The following FHIT variants were observed in gnomAD, a reference collection of about 807,000 sequenced individuals.
The protein encoded by FHIT is bis(5'-adenosyl)-triphosphatase.
In FHIT, 19 loss-of-function variants were observed where a neutral mutation model predicts 17.9. The observed-to-expected ratio is 1.06, with a 90% CI of 0.74 to 1.56. The LOEUF (loss-of-function observed/expected upper bound fraction) is 1.56. Among genes scored for constraint, FHIT ranks in the 40% most tolerant of loss-of-function variants. FHIT has a pLI of 0.00. For missense variants in FHIT, 248 were observed against 189.2 expected (o/e 1.31, Z -1.82); for synonymous variants, 81 against 69.7 (o/e 1.16, Z -0.81).
At chr3:61,146,590 T>C (rs549113912) in intron 2 of FHIT, among the ~76,000 whole-genome samples, 10 of 152,200 alleles carry the variant, frequency 6.6e-5, no homozygotes, top group African/African-American at 2.4e-4. Flanking sequence ...AACTACAGAA[T>C]CTGCTTGGTC....
chr3:59,750,333 C>T (rs1700824900), intron 9 of FHIT: 1 of 225,270 alleles, frequency 4.4e-6, no homozygotes, highest in South Asian at 1.8e-4. Context: ...ATAGAAAACC[C>T]AGGAGAAAAA....
At chr3:60,479,850 T>A (rs781050681) in intron 5 of FHIT, among the ~76,000 whole-genome samples, 1 of 152,120 alleles carries the variant, frequency 6.6e-6, no homozygotes, top group Non-Finnish European at 1.5e-5. Context: ...AAACTGTCCA[T>A]CCCCCATGAC....
chr3:61,077,792 T>C (rs190875457), intron 2 of FHIT, among the ~76,000 whole-genome samples: 3 of 152,268 alleles, frequency 2.0e-5, no homozygotes, highest in East Asian at 1.9e-4. Context: ...CTGGCTTCCA[T>C]GTGAGCAGGC....
Position 61,055,824 on chromosome 3 carries a change from AT to A in FHIT, c.-163-13726del, listed in dbSNP as rs980818442. 1.4e-4 allele frequency among the ~76,000 whole-genome samples: 22 copies of A among 151,990 alleles called. No homozygotes were observed. The East Asian group carries it at 2.9e-3, about 20-fold the overall frequency. ...AGAGAATGTAGGCTTAAGTGGGGGT[AT>A]TTTTTTTAAGTTTTATTTTTAATTT... On this transcript the variant is annotated intron_variant, in intron 2 of 9. Coordinates refer to ENST00000492590, the MANE Select transcript of FHIT (RefSeq NM_002012.4).
intron 7 of FHIT, among the ~76,000 whole-genome samples, chr3:59,965,967 G>C (rs1009419487): frequency 3.3e-5 from 5 of 152,098 alleles, no homozygotes; most frequent in Non-Finnish European, 7.4e-5. Context: ...CCGTCTTAAA[G>C]GCCTTTCTAG....
intron 7 of FHIT, among the ~76,000 whole-genome samples, chr3:59,966,807 C>T (rs1486179000): frequency 6.6e-6 from 1 of 152,064 alleles, no homozygotes; most frequent in African/African-American, 2.4e-5. Flanking sequence ...CTGTACATTT[C>T]TATAGACTTT....
intron 4 of FHIT, among the ~76,000 whole-genome samples, chr3:60,707,401 G>A (rs2041401495): frequency 6.6e-6 from 1 of 152,184 alleles, no homozygotes; most frequent in African/African-American, 2.4e-5. Flanking sequence ...CACATGGATA[G>A]AGATGAACTT....
At chr3:60,895,999 G>A (rs1185814405) in intron 3 of FHIT, among the ~76,000 whole-genome samples, 1 of 151,880 alleles carries the variant, frequency 6.6e-6, no homozygotes, top group Non-Finnish European at 1.5e-5. Flanking sequence ...CACACTAGGA[G>A]GTGAGCAGCG....
At chr3:61,198,577 C>A (rs2038921877) in intron 2 of FHIT, among the ~76,000 whole-genome samples, 1 of 151,932 alleles carries the variant, frequency 6.6e-6, no homozygotes. Context: ...TTTAAAAATT[C>A]TTGAAGAAGC....
At chr3:60,373,566 T>C (rs1369480650) in intron 5 of FHIT, among the ~76,000 whole-genome samples, 2 of 151,964 alleles carry the variant, frequency 1.3e-5, no homozygotes, top group African/African-American at 2.4e-5. Flanking sequence ...AAGCAGGAAA[T>C]GGACATGATC....
At position 60,570,227 on chromosome 3, in the gene FHIT, T is replaced by A. The variant is rs539687980; in HGVS notation, c.-17-33248A>T. 6.6e-5 allele frequency among the ~76,000 whole-genome samples: 10 copies of A among 152,246 alleles called. No individual in the cohort carries two copies. In the East Asian group the frequency reaches 1.9e-3, roughly 29 times the overall value. ...CACAGAAATAAAGAAAGAGGAGATGTTCAGCAGAGAGACTGTCCTATGATA... is the reference window on the plus strand; with the variant it reads ...CACAGAAATAAAGAAAGAGGAGATGATCAGCAGAGAGACTGTCCTATGATA... On this transcript the variant is annotated intron_variant, in intron 4 of 9. Coordinates refer to ENST00000492590, the MANE Select transcript of FHIT (RefSeq NM_002012.4).
At chr3:60,108,280 G>A (rs1704514565) in intron 5 of FHIT, among the ~76,000 whole-genome samples, 1 of 152,172 alleles carries the variant, frequency 6.6e-6, no homozygotes, top group Non-Finnish European at 1.5e-5. Flanking sequence ...TTTAGACACA[G>A]TTTAATATTC....
chr3:60,095,299 A>T (rs1381108029), intron 5 of FHIT, among the ~76,000 whole-genome samples: 2 of 152,180 alleles, frequency 1.3e-5, no homozygotes, highest in Non-Finnish European at 2.9e-5. Context: ...GGAATGTTTA[A>T]AGATCTGTAG....
intron 5 of FHIT, among the ~76,000 whole-genome samples, chr3:60,414,052 A>G (rs67430163): frequency 0.21 from 31,745 of 152,168 alleles, 3,904 homozygotes; most frequent in East Asian, 0.48. Flanking sequence ...GCACAATGAT[A>G]AAGACTGGAA....
Position 60,425,401 on chromosome 3 carries a change from T to C in FHIT, c.103+111459A>G, listed in dbSNP as rs139647377. ...CAGTAAATTCTACTCAACTCCATGA[T>C]TCTCTCCCACCCTGGGCCTCCATCA... On this transcript the variant is annotated intron_variant, in intron 5 of 9. Coordinates refer to ENST00000492590, the MANE Select transcript of FHIT (RefSeq NM_002012.4). 5.7e-3 allele frequency among the ~76,000 whole-genome samples: 863 copies of C among 152,254 alleles called. 9 individuals carry two copies. The highest frequency in any genetic ancestry group is 0.02 in the African/African-American group (831 of 41,568).
At chr3:59,923,702 A>T (rs1236466023) in intron 7 of FHIT, among the ~76,000 whole-genome samples, 1 of 152,160 alleles carries the variant, frequency 6.6e-6, no homozygotes, top group African/African-American at 2.4e-5. Context: ...CAGAGGGTCA[A>T]ACCTCATCCC....
chr3:59,975,396 C>T (rs1350874798), intron 7 of FHIT, among the ~76,000 whole-genome samples: 1 of 152,032 alleles, frequency 6.6e-6, no homozygotes, highest in African/African-American at 2.4e-5. Flanking sequence ...AAAAGGGCTA[C>T]TATGAAATGT....
At chr3:59,906,566 T>G (rs909562162) in intron 8 of FHIT, among the ~76,000 whole-genome samples, 1 of 152,210 alleles carries the variant, frequency 6.6e-6, no homozygotes, top group Non-Finnish European at 1.5e-5. Context: ...TGGAGTTGGT[T>G]CCTGGAAATC....
At chr3:60,439,811 G>A (rs1252827906) in intron 5 of FHIT, among the ~76,000 whole-genome samples, 1 of 152,104 alleles carries the variant, frequency 6.6e-6, no homozygotes, top group African/African-American at 2.4e-5. Context: ...TGCTGCTCAA[G>A]AAACAAAAGA....
Sources: allele counts gnomAD v4.1 joint callset (sites outside exome capture counted in the v4.1 genomes callset), GRCh38; gene constraint gnomAD v4.1.1; transcripts MANE v1.5; gene names NCBI Gene and HGNC (gene_info 2026-07-23, HGNC 2026-07-21).